EVI5: variants seen among roughly 807,000 people sequenced by gnomAD.
The protein encoded by EVI5 is ecotropic viral integration site 5, also known as ecotropic viral integration site 5 protein homolog.
Under a neutral mutation model 112.0 loss-of-function variants are expected in EVI5, and 73 were observed. The ratio of observed to expected loss-of-function variants is 0.65; its 90% confidence interval spans 0.54 to 0.79. The LOEUF is 0.79. Among genes scored for constraint, EVI5 ranks in the 30% least tolerant of loss-of-function variants. The probability of loss-of-function intolerance (pLI) is 0.00; values close to 1 mark genes in which losing one functional copy is unlikely to be tolerated. For synonymous variants in EVI5, 305 were observed against 319.9 expected, an observed-to-expected ratio of 0.95 and a Z score of 0.50; for missense variants, 900 against 968.8, an observed-to-expected ratio of 0.93 and a Z score of 0.94.
At chr1:92,527,750 G>A (rs1662172727) in intron 19 of EVI5, among the ~76,000 whole-genome samples, 1 of 152,154 alleles carries the variant, frequency 6.6e-6, no homozygotes, top group East Asian at 1.9e-4. Flanking sequence ...ATTTGTTTCT[G>A]TATCCTGTTA....
chr1:92,542,793 C>T (rs937981105), intron 19 of EVI5, among the ~76,000 whole-genome samples: 11 of 152,198 alleles, frequency 7.2e-5, no homozygotes, highest in Non-Finnish European at 1.5e-4. Flanking sequence ...TCACCATGTA[C>T]ATCTGCATCA....
chr1:92,580,025 CAATG>C (rs1227009994), intron 18 of EVI5, among the ~76,000 whole-genome samples: 6 of 152,074 alleles, frequency 3.9e-5, no homozygotes, highest in Non-Finnish European at 8.8e-5. Flanking sequence ...AAAGTAGAAA[CAATG>C]AAACCTTCAG....
At chr1:92,781,550 C>A (rs1327944503) in intron 1 of EVI5, among the ~76,000 whole-genome samples, 1 of 151,808 alleles carries the variant, frequency 6.6e-6, no homozygotes, top group Non-Finnish European at 1.5e-5. Context: ...TAAGACAACA[C>A]AGAAAAATAT....
rs1232277940 is a variant in EVI5 at position 92,695,438 on chromosome 1, G to GCTCT, written c.777_780dup (p.Leu261ArgfsTer39). 1 of 1,601,438 alleles carries GCTCT rather than the reference G, an allele frequency of 6.2e-7. No individual in the cohort carries two copies. Among genetic ancestry groups the GCTCT allele is most frequent in the Admixed American group, 1.7e-5 (1 of 58,708 alleles). ...CTCTGAGATTGAAAATGTACAAAGA[G>GCTCT]CTCTGGAAGATGCTCCTAAAGAGAA... is the stretch of plus-strand genomic sequence containing the variant. On this transcript the variant is annotated frameshift_variant, in exon 7 of 20. Transcript: ENST00000684568. LOFTEE classifies it high-confidence loss of function.
rs1557795461 is a variant in EVI5 at position 92,563,685 on chromosome 1, T to C, written c.2123A>G (p.Tyr708Cys). Residue 708 changes from tyrosine to cysteine, a missense_variant, in exon 19 of 20, where the codon TAT becomes TGT. Tyr to Cys is a radical substitution (Grantham distance 194, BLOSUM62 -2). Transcript: ENST00000684568. ...GQLNKSDSNQ[Y>C]IGELKDQIAE... ...TATCTGATCTTTCAGTTCCCCAATATACTGGTTAGAATCAGACTTGTTAAG... is the reference window on the plus strand; with the variant it reads ...TATCTGATCTTTCAGTTCCCCAATACACTGGTTAGAATCAGACTTGTTAAG... 8 of 1,609,246 alleles carry C rather than the reference T, an allele frequency of 5.0e-6. No individual in the cohort carries two copies. The highest frequency in any genetic ancestry group is 1.3e-5 in the African/African-American group (1 of 74,844).
At chr1:92,653,330 G>A (rs144333053) in intron 13 of EVI5, among the ~76,000 whole-genome samples, 23 of 152,324 alleles carry the variant, frequency 1.5e-4, no homozygotes, top group Admixed American at 9.8e-4. Flanking sequence ...AGTATTGCAC[G>A]CCAAGGGAGC....
At chr1:92,570,367 C>T (rs1670159673) in intron 18 of EVI5, among the ~76,000 whole-genome samples, 1 of 151,908 alleles carries the variant, frequency 6.6e-6, no homozygotes. Flanking sequence ...ATACTCACTC[C>T]CTTGGTTGGT....
At chr1:92,523,409 T>C (rs757740891) in intron 19 of EVI5, among the ~76,000 whole-genome samples, 3 of 152,002 alleles carry the variant, frequency 2.0e-5, no homozygotes, top group Admixed American at 2.0e-4. Flanking sequence ...GAAATAGTTA[T>C]ATTTCAACAT....
intron 4 of EVI5, among the ~76,000 whole-genome samples, chr1:92,702,501 G>A (rs1671340223): frequency 7.0e-6 from 1 of 142,344 alleles, no homozygotes; most frequent in South Asian, 2.3e-4. Flanking sequence ...TTTGTAACAG[G>A]GCTTAAAAAT....
At chr1:92,567,615 T>C (rs1200592722) in intron 18 of EVI5, among the ~76,000 whole-genome samples, 1 of 152,256 alleles carries the variant, frequency 6.6e-6, no homozygotes, top group Admixed American at 6.5e-5. Flanking sequence ...GGCTATACCA[T>C]ATAGCCTAGG....
chr1:92,540,386 G>A (rs1364155178), intron 19 of EVI5, among the ~76,000 whole-genome samples: 1 of 152,118 alleles, frequency 6.6e-6, no homozygotes, highest in Non-Finnish European at 1.5e-5. Context: ...TAGTAAGTGT[G>A]AAGTGGAATC....
At position 92,510,180 on chromosome 1, in the gene EVI5, A is replaced by C. The variant is rs1659106141; in HGVS notation, c.*3476T>G. The C allele has an allele frequency of 6.6e-6, 1 of 152,238 alleles. No homozygotes were observed. The highest frequency in any genetic ancestry group is 1.5e-5 in the Non-Finnish European group (1 of 68,048). 9.4% of individuals were successfully genotyped at this position (152,238 alleles called of 1,614,324 possible). On this transcript the variant is annotated 3_prime_UTR_variant, in exon 20 of 20. Transcript: ENST00000684568. ...CCTTACCATGATTCTTTTAACACCT[A>C]ATTCCTAATCAGAAATGGTACTTAA...
rs199610267 is a variant in EVI5 at position 92,697,877 on chromosome 1, A to T, written c.748T>A (p.Phe250Ile). The T allele has an allele frequency of 1.6e-5, 26 of 1,612,702 alleles. No individual in the cohort carries two copies. The highest frequency in any genetic ancestry group is 2.0e-5 in the Non-Finnish European group (23 of 1,179,124). ...MAELGLCMYQFECMIQEHLPE... is the reference protein window; with the variant it reads ...MAELGLCMYQIECMIQEHLPE... ...ACTTTTACCTGTATCATACATTCAA[A>T]CTGGTACATACAAAGGCCCAATTCT... Residue 250 changes from phenylalanine (F) to isoleucine (I), a missense_variant, in exon 6 of 20, where the codon TTT (phenylalanine) becomes ATT (isoleucine). Phe to Ile is a conservative substitution (Grantham distance 21). Transcript: ENST00000684568.
At chr1:92,736,775 C>T (rs1677519490) in intron 1 of EVI5, 148 bp from the exon 2 acceptor site, 1 of 628,122 alleles carries the variant, frequency 1.6e-6, no homozygotes, top group Non-Finnish European at 2.8e-6. Context: ...AGCAACAATA[C>T]CCTAATATCC....
chr1:92,551,929 T>A (rs919231615), intron 19 of EVI5, among the ~76,000 whole-genome samples: 1 of 152,202 alleles, frequency 6.6e-6, no homozygotes, highest in Non-Finnish European at 1.5e-5. Flanking sequence ...TATATTTCCA[T>A]TCTAATTGTC....
upstream of EVI5, among the ~76,000 whole-genome samples, chr1:92,786,065 T>C (rs1436146411): frequency 6.7e-6 from 1 of 148,640 alleles, no homozygotes; most frequent in Non-Finnish European, 1.5e-5. Flanking sequence ...CACTCCAGCC[T>C]GGGCGACAGA....
intron 1 of EVI5, among the ~76,000 whole-genome samples, chr1:92,744,596 T>A (rs61800527): frequency 7.9e-5 from 2 of 25,470 alleles, no homozygotes; most frequent in African/African-American, 1.2e-4. Context: ...TCTCTCTCTC[T>A]CTCTCACACA....
chr1:92,679,238 C>T (rs1241694256), intron 9 of EVI5, among the ~76,000 whole-genome samples: 1 of 152,104 alleles, frequency 6.6e-6, no homozygotes, highest in Non-Finnish European at 1.5e-5. Flanking sequence ...TGAAGCCATA[C>T]CCCCAGCCCC....
chr1:92,582,187 T>G (rs979286991), intron 18 of EVI5, among the ~76,000 whole-genome samples: 4 of 152,166 alleles, frequency 2.6e-5, no homozygotes, highest in Non-Finnish European at 4.4e-5. Context: ...AACACAGTGG[T>G]TAAGTATTTG....
Sources: allele counts gnomAD v4.1 joint callset (sites outside exome capture counted in the v4.1 genomes callset), GRCh38; gene constraint gnomAD v4.1.1; transcripts MANE v1.5; gene names NCBI Gene and HGNC (gene_info 2026-07-23, HGNC 2026-07-21).